Variants in HYCC1 observed in about 807,000 individuals in gnomAD.
HYCC1 encodes the protein hyccin.
the HYCC1 span, chr7:22,937,533 CAG>C: frequency 6.6e-6 from 1 of 152,116 alleles, no homozygotes; most frequent in African/African-American, 2.4e-5. Flanking sequence ...TTAAAATAAT[CAG>C]AGTAAAGCTT....
chr7:22,931,406 T>C, the HYCC1 span, among the ~76,000 whole-genome samples: 1 of 152,100 alleles, frequency 6.6e-6, no homozygotes, highest in Non-Finnish European at 1.5e-5. Flanking sequence ...GAGTTTGAGG[T>C]AATTTGTTAC....
At chr7:22,974,306 T>C in the HYCC1 span, among the ~76,000 whole-genome samples, 8 of 152,310 alleles carry the variant, frequency 5.3e-5, no homozygotes, top group East Asian at 1.2e-3. Flanking sequence ...TAAATAATGT[T>C]GATGGTAGAC....
At chr7:22,959,624 T>C in the HYCC1 span, among the ~76,000 whole-genome samples, 1 of 151,292 alleles carries the variant, frequency 6.6e-6, no homozygotes, top group Non-Finnish European at 1.5e-5. Context: ...TAAAGAACAA[T>C]AAATTAAAAG....
At chr7:23,004,705 A>G in the HYCC1 span, among the ~76,000 whole-genome samples, 2 of 152,216 alleles carry the variant, frequency 1.3e-5, no homozygotes, top group African/African-American at 2.4e-5. Context: ...ATAGTAGGGA[A>G]GCTTACTAGA....
At chr7:22,998,576 T>TA in the HYCC1 span, among the ~76,000 whole-genome samples, 1 of 152,158 alleles carries the variant, frequency 6.6e-6, no homozygotes, top group Non-Finnish European at 1.5e-5. Context: ...ATAAGTAACA[T>TA]ACAGCAAGTA....
At chr7:22,906,120 C>T in the HYCC1 span, among the ~76,000 whole-genome samples, 15 of 144,290 alleles carry the variant, frequency 1.0e-4, no homozygotes, top group African/African-American at 2.7e-4. Flanking sequence ...CATCTGAATG[C>T]GGCAATTTTT....
the HYCC1 span, among the ~76,000 whole-genome samples, chr7:22,903,118 G>A: frequency 0.043 from 6,545 of 152,258 alleles, 200 homozygotes; most frequent in Non-Finnish European, 0.055. Context: ...CACTCCTGGA[G>A]TGGGGGAGTA....
At chr7:22,994,524 A>ACATTTTT in the HYCC1 span, among the ~76,000 whole-genome samples, 1 of 152,170 alleles carries the variant, frequency 6.6e-6, no homozygotes. Context: ...CATAAACTGT[A>ACATTTTT]CATTTTTCTG....
the HYCC1 span, chr7:22,976,259 T>C: frequency 6.2e-7 from 1 of 1,613,354 alleles, no homozygotes; most frequent in South Asian, 1.1e-5. Flanking sequence ...GGCATGTAAG[T>C]TAAGGCAGCA....
the HYCC1 span, among the ~76,000 whole-genome samples, chr7:22,930,243 AATG>A: frequency 6.6e-6 from 1 of 151,314 alleles, no homozygotes; most frequent in African/African-American, 2.4e-5. Flanking sequence ...CCTAATGCTA[AATG>A]ATGAGTTAAT....
the HYCC1 span, among the ~76,000 whole-genome samples, chr7:22,933,647 T>A: frequency 6.6e-6 from 1 of 152,218 alleles, no homozygotes; most frequent in Non-Finnish European, 1.5e-5. Flanking sequence ...ATCTCTTTCT[T>A]TTGATTAATC....
At chr7:22,960,354 G>A in the HYCC1 span, 9 of 1,613,046 alleles carry the variant, frequency 5.6e-6, no homozygotes, top group Non-Finnish European at 7.6e-6. Flanking sequence ...AATACACCTT[G>A]TACCTTCCTT....
chr7:22,907,180 C>G, the HYCC1 span, among the ~76,000 whole-genome samples: 1 of 148,474 alleles, frequency 6.7e-6, no homozygotes, highest in Admixed American at 6.8e-5. Flanking sequence ...CAGGCTGGTT[C>G]GGGCCTTCAC....
the HYCC1 span, among the ~76,000 whole-genome samples, chr7:22,964,931 C>T: frequency 6.6e-6 from 1 of 151,908 alleles, no homozygotes; most frequent in Non-Finnish European, 1.5e-5. Flanking sequence ...GCCAGGAGTT[C>T]GAGACCAGCC....
the HYCC1 span, among the ~76,000 whole-genome samples, chr7:22,921,123 G>A: frequency 0.016 from 2,409 of 152,134 alleles, 66 homozygotes; most frequent in African/African-American, 0.055. Context: ...CCAGCCTCAG[G>A]TATTTCTTTA....
chr7:22,908,765 T>G, the HYCC1 span, among the ~76,000 whole-genome samples: 3 of 152,230 alleles, frequency 2.0e-5, no homozygotes, highest in African/African-American at 7.2e-5. Flanking sequence ...ATGTCTTGAC[T>G]GATAAGAATG....
At chr7:22,938,477 A>G in the HYCC1 span, 2 of 152,230 alleles carry the variant, frequency 1.3e-5, no homozygotes, top group Non-Finnish European at 2.9e-5. Flanking sequence ...TTACCACAGT[A>G]AGTCCTATTA....
At chr7:22,999,619 G>C in the HYCC1 span, among the ~76,000 whole-genome samples, 2 of 152,148 alleles carry the variant, frequency 1.3e-5, no homozygotes, top group African/African-American at 4.8e-5. Context: ...GTCAGAGTAA[G>C]AGCAAAGAAA....
the HYCC1 span, among the ~76,000 whole-genome samples, chr7:22,955,138 C>T: frequency 4.7e-3 from 715 of 151,536 alleles, 2 homozygotes; most frequent in Middle Eastern, 0.014. Flanking sequence ...TATTATATAA[C>T]GTGTATTTTT....
Sources: allele counts gnomAD v4.1 joint callset (sites outside exome capture counted in the v4.1 genomes callset), GRCh38; gene constraint gnomAD v4.1.1; transcripts MANE v1.5; gene names NCBI Gene and HGNC (gene_info 2026-07-23, HGNC 2026-07-21).